Variants in ORC3 observed in about 807,000 individuals in gnomAD.
ORC3 encodes origin recognition complex subunit 3.
ORC3 carries 78 observed loss-of-function variants against 100.7 expected under a neutral mutation model. The observed-to-expected ratio is 0.77, with a 90% CI of 0.65 to 0.94. ORC3 has a LOEUF of 0.94. Ranked by LOEUF, ORC3 falls within the 40% of genes least tolerant of loss-of-function variation. The pLI is 0.00. For missense variants in ORC3, 789 were observed against 823.9 expected (o/e 0.96, Z 0.52); for synonymous variants, 295 against 289.3 (o/e 1.02, Z -0.20).
intron 2 of ORC3, among the ~76,000 whole-genome samples, chr6:87,598,572 A>T (rs117753507): frequency 5.3e-5 from 8 of 151,868 alleles, no homozygotes; most frequent in Non-Finnish European, 8.8e-5. Flanking sequence ...GCTACAACTT[A>T]TTAGGATTGG....
intron 17 of ORC3, among the ~76,000 whole-genome samples, chr6:87,663,523 C>T (rs772361672): frequency 2.6e-5 from 4 of 152,146 alleles, no homozygotes; most frequent in Admixed American, 1.3e-4. Flanking sequence ...ACTGAAAGAC[C>T]GAAATGGTTG....
chr6:87,616,503 T>C, intron 9 of ORC3, 76 bp downstream of exon 9: 1 of 619,982 alleles, frequency 1.6e-6, no homozygotes, highest in Non-Finnish European at 3.0e-6. Flanking sequence ...GGCTGTCTAG[T>C]GTGATAGGCA....
chr6:87,642,402 C>A (rs1320746382), intron 13 of ORC3, among the ~76,000 whole-genome samples: 2 of 151,886 alleles, frequency 1.3e-5, no homozygotes, highest in African/African-American at 4.8e-5. Flanking sequence ...ACCAGCCTGG[C>A]CAACGTGGTG....
intron 11 of ORC3, among the ~76,000 whole-genome samples, chr6:87,623,003 A>C (rs1185122323): frequency 6.6e-6 from 1 of 152,238 alleles, no homozygotes; most frequent in Non-Finnish European, 1.5e-5. Context: ...ATGAGATTGA[A>C]GGTAAGCCAT....
intron 3 of ORC3, among the ~76,000 whole-genome samples, chr6:87,602,963 A>ATATATATATAT: frequency 1.8e-5 from 1 of 56,746 alleles, no homozygotes; most frequent in African/African-American, 7.2e-5. Context: ...TAATATATAT[A>ATATATATATAT]TATATATACA....
At chr6:87,661,712 C>T (rs187786696) in intron 16 of ORC3, among the ~76,000 whole-genome samples, 11 of 152,270 alleles carry the variant, frequency 7.2e-5, no homozygotes, top group Middle Eastern at 3.4e-3. Flanking sequence ...CACAAGCTGT[C>T]ATGTGGCCAA....
At chr6:87,599,044 A>G (rs1167873524) in intron 2 of ORC3, among the ~76,000 whole-genome samples, 1 of 152,222 alleles carries the variant, frequency 6.6e-6, no homozygotes, top group African/African-American at 2.4e-5. Flanking sequence ...CACTGTGAAT[A>G]GGAGCCGAGG....
At chr6:87,668,632 G>T (rs1402887624), downstream of ORC3, among the ~76,000 whole-genome samples, 1 of 152,162 alleles carries the variant, frequency 6.6e-6, no homozygotes, top group Non-Finnish European at 1.5e-5. Flanking sequence ...GGGCTGAGAT[G>T]ACATTAATGG....
At chr6:87,614,899 A>C (rs1454365658) in intron 8 of ORC3, among the ~76,000 whole-genome samples, 2 of 152,172 alleles carry the variant, frequency 1.3e-5, no homozygotes, top group Admixed American at 6.5e-5. Context: ...TGAGCCCTCC[A>C]AACTGTTCCA....
chr6:87,605,716 A>G (rs946234833), intron 4 of ORC3, among the ~76,000 whole-genome samples: 1 of 152,120 alleles, frequency 6.6e-6, no homozygotes, highest in Non-Finnish European at 1.5e-5. Context: ...AATTGTGCAA[A>G]ATATCTTTCC....
chr6:87,636,094 G>A (rs970050515), intron 12 of ORC3, among the ~76,000 whole-genome samples: 11 of 151,706 alleles, frequency 7.3e-5, no homozygotes, highest in Non-Finnish European at 1.0e-4. Flanking sequence ...ACAGATGCCC[G>A]GCTAGTTTTT....
chr6:87,672,752 G>A, the ORC3 span, among the ~76,000 whole-genome samples: 1 of 152,150 alleles, frequency 6.6e-6, no homozygotes, highest in Non-Finnish European at 1.5e-5. Context: ...TTAGGGTCGT[G>A]TCAAGTGCTT....
chr6:87,634,783 T>C (rs1015723400), intron 11 of ORC3, 62 bp from the exon 12 acceptor site: 4 of 805,782 alleles, frequency 5.0e-6, no homozygotes, highest in Non-Finnish European at 8.6e-6. Flanking sequence ...TGAAGTAGAT[T>C]GTATTATTAT....
the ORC3 span, chr6:87,675,360 C>A: frequency 6.4e-5 from 35 of 548,226 alleles, 1 homozygote; most frequent in South Asian, 9.9e-4. Flanking sequence ...TGTAATGATA[C>A]AGCAAAATGA....
At position 87,605,898 on chromosome 6, in the gene ORC3, T is replaced by C. The variant is rs920893655; in HGVS notation, c.323-19T>C. ...TATTAATAAAAATGGTGATGTAATA[T>C]TGATGTATTATCTCATAGGTGTGAA... On this transcript the variant is annotated intron_variant, in intron 4 of 19. Transcript: ENST00000392844. 3 of 1,231,488 alleles carry C rather than the reference T, an allele frequency of 2.4e-6. No homozygotes were observed. In the African/African-American group the frequency reaches 4.5e-5, roughly 18 times the overall value. The allele number at this position is 1,231,488 out of a possible 1,614,324, so 76.3% of individuals were successfully genotyped here. A position where few individuals can be genotyped will look rare whatever the true frequency, so the allele number is the denominator to read the frequency against.
In ORC3 at chr6:87,650,834, C is replaced by T. The variant is rs189425444; in HGVS notation, c.1383-2282C>T. On this transcript the variant is annotated intron_variant, in intron 13 of 19. Coordinates refer to ENST00000392844, the MANE Select transcript of ORC3 (RefSeq NM_012381.4). The stretch of plus-strand genomic sequence containing the variant: ...ACTAGCCTGACCAATATGGTGAAAC[C>T]CTGCCTCTACTAAAAATACAAAATT... 3.6e-5 allele frequency: 9 copies of T among 247,108 alleles called. 1 individual carries two copies. In the South Asian group the frequency reaches 4.1e-4, roughly 11 times the overall value. 15.3% of individuals were successfully genotyped at this position (247,108 alleles called of 1,614,324 possible). A position where few individuals can be genotyped will look rare whatever the true frequency, so the allele number is the denominator to read the frequency against.
intron 15 of ORC3, among the ~76,000 whole-genome samples, chr6:87,657,499 C>A (rs907429282): frequency 2.0e-5 from 3 of 151,984 alleles, no homozygotes; most frequent in Non-Finnish European, 4.4e-5. Flanking sequence ...TACTGTGATA[C>A]CAAATTATGA....
the ORC3 span, among the ~76,000 whole-genome samples, chr6:87,676,116 T>C: frequency 1.3e-5 from 2 of 152,148 alleles, no homozygotes; most frequent in Non-Finnish European, 2.9e-5. Flanking sequence ...ACCTAGGTTT[T>C]AGTCCAATCA....
chr6:87,607,769 G>C lies in ORC3; in HGVS notation c.524G>C (p.Arg175Thr). The C allele has an allele frequency of 6.2e-7, 1 of 1,612,728 alleles. No homozygotes were observed. Among genetic ancestry groups the C allele is most frequent in the Non-Finnish European group, 8.5e-7 (1 of 1,178,898 alleles). Residue 175 changes from arginine (R) to threonine (T), a missense_variant, in exon 6 of 20, where the codon AGA (arginine) becomes ACA (threonine). Coordinates refer to ENST00000392844, the MANE Select transcript of ORC3 (RefSeq NM_012381.4). ...KEEESVHVTQ[R>T]KTHYSMDSLS... ...GAGGAAAGTGTTCACGTCACCCAAA[G>C]AAAGACACATTATTCAATGGATTCA...
Sources: gnomAD v4.1 joint callset for allele counts (sites outside exome capture counted in the v4.1 genomes callset) on GRCh38, gnomAD v4.1.1 for gene constraint, MANE v1.5 for transcripts, NCBI Gene and HGNC (gene_info 2026-07-23, HGNC 2026-07-21) for gene names.